The following FAM107B variants were observed in gnomAD, a reference collection of about 807,000 sequenced individuals.
FAM107B encodes protein FAM107B.
A neutral mutation model predicts 31.5 loss-of-function variants in FAM107B; 21 were observed. The observed-to-expected ratio is 0.67, with a 90% CI of 0.47 to 0.96. The LOEUF (loss-of-function observed/expected upper bound fraction) is 0.96, where lower values mean the gene tolerates loss of function less well. Ranked by LOEUF, FAM107B falls within the 40% of genes least tolerant of loss-of-function variation. The pLI, the probability that FAM107B is intolerant of heterozygous loss-of-function variation, is 0.00. For synonymous variants in FAM107B, 157 were observed against 141.5 expected (o/e 1.11, Z -0.78); for missense variants, 452 against 377.1 (o/e 1.20, Z -1.64).
At chr10:14,684,040 CAAGATCAAGGCAGTGTTAGACTT>C (rs1854914760) in intron 1 of FAM107B, among the ~76,000 whole-genome samples, 1 of 152,208 alleles carries the variant, frequency 6.6e-6, no homozygotes, top group South Asian at 2.1e-4. Flanking sequence ...CTGCAAAGTC[CAAGATCAAGGCAGTGTTAGACTT>C]GGTGTCCGAT....
chr10:14,562,749 T>G (rs1041678144), intron 2 of FAM107B, among the ~76,000 whole-genome samples: 1 of 152,228 alleles, frequency 6.6e-6, no homozygotes, highest in Non-Finnish European at 1.5e-5. Flanking sequence ...CTGAAGCCAC[T>G]TGAACTTCCA....
intron 1 of FAM107B, among the ~76,000 whole-genome samples, chr10:14,758,957 T>A (rs1295995823): frequency 6.9e-6 from 1 of 145,296 alleles, no homozygotes; most frequent in Non-Finnish European, 1.5e-5. Flanking sequence ...GGCAGGTGGA[T>A]CACCTGAGGT....
chr10:14,540,827 T>A (rs1848115165), intron 2 of FAM107B, among the ~76,000 whole-genome samples: 1 of 152,182 alleles, frequency 6.6e-6, no homozygotes, highest in South Asian at 2.1e-4. Context: ...CACGATTTAT[T>A]GAAGGCCTCT....
intron 1 of FAM107B, among the ~76,000 whole-genome samples, chr10:14,713,804 A>T (rs1855717456): frequency 6.6e-6 from 1 of 152,248 alleles, no homozygotes; most frequent in African/African-American, 2.4e-5. Context: ...AGTAGGCTGG[A>T]TTAGGAAAAT....
At chr10:14,769,913 G>C (rs964562052) in intron 1 of FAM107B, among the ~76,000 whole-genome samples, 1 of 152,184 alleles carries the variant, frequency 6.6e-6, no homozygotes, top group African/African-American at 2.4e-5. Context: ...AGAGAGGAGT[G>C]AAACAGCACC....
intron 2 of FAM107B, 52 bp from the exon 3 acceptor site, chr10:14,530,567 C>T: frequency 1.9e-6 from 3 of 1,562,742 alleles, no homozygotes; most frequent in Non-Finnish European, 2.6e-6. Context: ...TAAGGCTTTT[C>T]CCACACATGC....
At chr10:14,713,659 G>C (rs939765499) in intron 1 of FAM107B, among the ~76,000 whole-genome samples, 1 of 152,162 alleles carries the variant, frequency 6.6e-6, no homozygotes, top group Non-Finnish European at 1.5e-5. Context: ...TCCAGGAGAA[G>C]AAAATCATAA....
At chr10:14,633,669 AT>A (rs1325184198) in intron 2 of FAM107B, among the ~76,000 whole-genome samples, 1 of 152,186 alleles carries the variant, frequency 6.6e-6, no homozygotes, top group African/African-American at 2.4e-5. Flanking sequence ...GGTCTAACAA[AT>A]TTTTGTTGAG....
At chr10:14,679,965 C>A (rs1588701372) in intron 1 of FAM107B, among the ~76,000 whole-genome samples, 1 of 152,320 alleles carries the variant, frequency 6.6e-6, no homozygotes, top group East Asian at 1.9e-4. Context: ...GACTGGCTTC[C>A]TTGATCCTCA....
At chr10:14,548,324 A>C in intron 2 of FAM107B, 1 of 672,924 alleles carries the variant, frequency 1.5e-6, no homozygotes, top group Non-Finnish European at 1.8e-6. Flanking sequence ...GGGGAGGCAC[A>C]GGGAGGCCTC....
chr10:14,671,864 C>T (rs1412890232), intron 1 of FAM107B, among the ~76,000 whole-genome samples: 1 of 114,484 alleles, frequency 8.7e-6, no homozygotes, highest in Non-Finnish European at 1.8e-5. Context: ...AATACACTCC[C>T]TTTTATTTAA....
At chr10:14,572,016 G>C in intron 2 of FAM107B, 1 of 985,392 alleles carries the variant, frequency 1.0e-6, no homozygotes, top group Non-Finnish European at 1.2e-6. Context: ...GTTCCTTAGA[G>C]CGGTGAAGAA....
At chr10:14,526,109 T>C (rs1846196505) in intron 3 of FAM107B, among the ~76,000 whole-genome samples, 1 of 152,204 alleles carries the variant, frequency 6.6e-6, no homozygotes, top group Admixed American at 6.5e-5. Flanking sequence ...ACTCACTTAG[T>C]CAAACATCTC....
intron 1 of FAM107B, among the ~76,000 whole-genome samples, chr10:14,719,178 T>G (rs1291971435): frequency 1.3e-5 from 2 of 152,146 alleles, no homozygotes; most frequent in Non-Finnish European, 2.9e-5. Flanking sequence ...TCACTGATTT[T>G]CAGTTCACTG....
chr10:14,649,118 T>C (rs1164765739), intron 2 of FAM107B, among the ~76,000 whole-genome samples: 1 of 152,212 alleles, frequency 6.6e-6, no homozygotes, highest in Non-Finnish European at 1.5e-5. Flanking sequence ...GAATGCATGA[T>C]CAGACATGCC....
At chr10:14,772,362 A>AATATATATATAT (rs1554759098) in intron 1 of FAM107B, among the ~76,000 whole-genome samples, 89 of 145,632 alleles carry the variant, frequency 6.1e-4, no homozygotes, top group Middle Eastern at 6.9e-3. Context: ...TTAAAAAAAA[A>AATATATATATAT]ATATATATAT....
In FAM107B at chr10:14,695,760, T is replaced by A. The variant is rs936882652; in HGVS notation, c.412-28069A>T. Among the ~76,000 whole-genome samples, 5 of 152,226 alleles carry A rather than the reference T, an allele frequency of 3.3e-5. No individual in the cohort carries two copies. The East Asian group carries it at 5.8e-4, about 18-fold the overall frequency. On this transcript the variant is annotated intron_variant, in intron 1 of 4. Coordinates refer to ENST00000181796, the MANE Select transcript of FAM107B (RefSeq NM_031453.4). ...GATGTTATCATAGAAAAGATTGTTT[T>A]CTTAATTTATTTTTTAGCTAGGTTG...
At chr10:14,721,316 G>A (rs1024620854) in intron 1 of FAM107B, among the ~76,000 whole-genome samples, 2 of 152,110 alleles carry the variant, frequency 1.3e-5, no homozygotes, top group African/African-American at 4.8e-5. Flanking sequence ...ACGTTTGCAT[G>A]TGTCTTTATA....
At chr10:14,581,626 C>G (rs1490385989) in intron 2 of FAM107B, among the ~76,000 whole-genome samples, 1 of 152,222 alleles carries the variant, frequency 6.6e-6, no homozygotes, top group Non-Finnish European at 1.5e-5. Context: ...CCCAGCCAGG[C>G]GCGGTGGCTC....
Sources: allele counts gnomAD v4.1 joint callset (sites outside exome capture counted in the v4.1 genomes callset), GRCh38; gene constraint gnomAD v4.1.1; transcripts MANE v1.5; gene names NCBI Gene and HGNC (gene_info 2026-07-23, HGNC 2026-07-21).